Variants in GLI2 observed in about 807,000 individuals in gnomAD.
GLI2 encodes the protein GLI family zinc finger 2.
GLI2 carries 22 observed loss-of-function variants against 78.9 expected under a neutral mutation model. The observed-to-expected ratio is 0.28, with a 90% CI of 0.20 to 0.40. GLI2 has a LOEUF of 0.40. Ranked by LOEUF, GLI2 falls within the 10% of genes least tolerant of loss-of-function variation. The pLI, the probability that GLI2 is intolerant of heterozygous loss-of-function variation, is 1.00. For synonymous variants in GLI2, 974 were observed against 963.7 expected, an observed-to-expected ratio of 1.01 and a Z score of -0.20; for missense variants, 2,097 against 2,213.2, an observed-to-expected ratio of 0.95 and a Z score of 1.05.
intron 2 of GLI2, among the ~76,000 whole-genome samples, chr2:120,920,406 C>G (rs1679311675): frequency 6.6e-6 from 1 of 152,200 alleles, no homozygotes. Flanking sequence ...TCTGCAGACC[C>G]CTACCTCCTT....
At position 120,763,180 on chromosome 2, in the gene GLI2, C is replaced by G. The variant is rs184814678; in HGVS notation, c.-31+26895C>G. ...CCACCACAGGCCCTTTCTTGTGCCTCCCTCTCCTCTGGGTCTGACTCCTAT... is the reference window on the plus strand; with the variant it reads ...CCACCACAGGCCCTTTCTTGTGCCTGCCTCTCCTCTGGGTCTGACTCCTAT... On this transcript the variant is annotated intron_variant, in intron 1 of 13. Coordinates refer to ENST00000361492, the MANE Select transcript of GLI2 (RefSeq NM_001374353.1). 1.3e-4 allele frequency among the ~76,000 whole-genome samples: 20 copies of G among 152,294 alleles called. 1 individual carries two copies. In the South Asian group the frequency reaches 4.1e-3, roughly 32 times the overall value.
At position 120,982,510 on chromosome 2, in the gene GLI2, G is replaced by A. The variant is rs530491116; in HGVS notation, c.1468-206G>A. 4.5e-4 allele frequency among the ~76,000 whole-genome samples: 68 copies of A among 152,268 alleles called. 1 individual carries two copies. On this transcript the variant is annotated intron_variant, in intron 10 of 13. Coordinates refer to ENST00000361492, the MANE Select transcript of GLI2 (RefSeq NM_001374353.1). Reference sequence around the variant, plus strand: ...TGCGTGTCAGCAGTAGCAGCCCCTGGGCGACCGGTGGTTTTCATTTTTCTC... The same window carrying A: ...TGCGTGTCAGCAGTAGCAGCCCCTGAGCGACCGGTGGTTTTCATTTTTCTC...
chr2:120,898,215 C>CACACAA (rs1447294546), intron 2 of GLI2, among the ~76,000 whole-genome samples: 204 of 150,930 alleles, frequency 1.4e-3, no homozygotes, highest in African/African-American at 4.1e-3. Flanking sequence ...CACACACACA[C>CACACAA]AAAATGATTG....
At chr2:120,932,657 G>A (rs957325161) in intron 3 of GLI2, among the ~76,000 whole-genome samples, 2 of 152,182 alleles carry the variant, frequency 1.3e-5, no homozygotes, top group African/African-American at 4.8e-5. Context: ...ACATAACCCA[G>A]CCAACTGAGT....
chr2:120,754,909 A>G (rs1024582467), intron 1 of GLI2, among the ~76,000 whole-genome samples: 7 of 150,676 alleles, frequency 4.6e-5, no homozygotes, highest in Non-Finnish European at 5.9e-5. Flanking sequence ...CTGGAGTGCA[A>G]TGGCGCAATC....
chr2:120,834,086 T>C (rs1318802280), intron 2 of GLI2, among the ~76,000 whole-genome samples: 3 of 152,162 alleles, frequency 2.0e-5, no homozygotes, highest in African/African-American at 7.2e-5. Context: ...TTGCCCAGCA[T>C]CCTCTGCACA....
At chr2:120,803,064 A>C (rs1684774564) in intron 2 of GLI2, among the ~76,000 whole-genome samples, 1 of 152,368 alleles carries the variant, frequency 6.6e-6, no homozygotes, top group Middle Eastern at 3.4e-3. Flanking sequence ...CATACATAAA[A>C]TGGGAGTTAG....
intron 3 of GLI2, among the ~76,000 whole-genome samples, chr2:120,939,458 T>C (rs1680351843): frequency 6.6e-6 from 1 of 152,154 alleles, no homozygotes; most frequent in Non-Finnish European, 1.5e-5. Context: ...GGATTCAGAG[T>C]TTATCACCCC....
intron 1 of GLI2, among the ~76,000 whole-genome samples, chr2:120,763,818 G>C (rs973457075): frequency 1.3e-4 from 20 of 152,366 alleles, no homozygotes; most frequent in African/African-American, 4.8e-4. Context: ...TGTGGGTGGG[G>C]CTGTGAAAGG....
chr2:120,876,219 G>T (rs566251302), intron 2 of GLI2, among the ~76,000 whole-genome samples: 1 of 152,304 alleles, frequency 6.6e-6, no homozygotes, highest in South Asian at 2.1e-4. Context: ...GCGGGTGCCT[G>T]TAGTCCCAGC....
intron 2 of GLI2, among the ~76,000 whole-genome samples, chr2:120,828,056 G>T (rs1166384681): frequency 1.3e-5 from 2 of 152,206 alleles, no homozygotes; most frequent in African/African-American, 4.8e-5. Context: ...ATATTTTCCT[G>T]CAAGTTTAGA....
chr2:120,923,469 A>G (rs894435767), intron 2 of GLI2, among the ~76,000 whole-genome samples: 3 of 152,036 alleles, frequency 2.0e-5, no homozygotes, highest in Admixed American at 6.6e-5. Context: ...AACAACACAC[A>G]CATACAGCAT....
intron 1 of GLI2, among the ~76,000 whole-genome samples, chr2:120,746,262 G>A (rs1387909237): frequency 2.6e-5 from 4 of 152,246 alleles, no homozygotes; most frequent in Non-Finnish European, 5.9e-5. Context: ...CCCTGGTGGT[G>A]GAAGTCCTGT....
intron 1 of GLI2, among the ~76,000 whole-genome samples, chr2:120,782,122 G>A (rs1312104006): frequency 6.6e-6 from 1 of 152,094 alleles, no homozygotes; most frequent in Non-Finnish European, 1.5e-5. Flanking sequence ...CCGTTGTCTC[G>A]CTACGATAGC....
chr2:120,951,641 ACTCT>A (rs1680999771), intron 4 of GLI2, 196 bp downstream of exon 4: 1 of 557,612 alleles, frequency 1.8e-6, no homozygotes, highest in African/African-American at 1.9e-5. Context: ...TTTGGTAAGC[ACTCT>A]TTTGCATGCA....
intron 1 of GLI2, among the ~76,000 whole-genome samples, chr2:120,738,665 G>A (rs1682439301): frequency 6.6e-6 from 1 of 152,210 alleles, no homozygotes; most frequent in Non-Finnish European, 1.5e-5. Flanking sequence ...CTCTTGGAGA[G>A]AATTAGAATT....
At chr2:120,802,986 G>A (rs576760006) in intron 2 of GLI2, among the ~76,000 whole-genome samples, 3 of 152,238 alleles carry the variant, frequency 2.0e-5, no homozygotes, top group African/African-American at 2.4e-5. Context: ...AACCCTCTTG[G>A]TGATTCTGAT....
chr2:120,803,692 C>T lies in GLI2; in HGVS notation c.148+6224C>T, dbSNP rs149076996. ...CTCTGACTTGGTCTTTTCCCCAGCA[C>T]GCTGGAGACCAGACCAGACCAAAGG... On this transcript the variant is annotated intron_variant, in intron 2 of 13. Coordinates refer to ENST00000361492, the MANE Select transcript of GLI2 (RefSeq NM_001374353.1). 3.1e-3 allele frequency among the ~76,000 whole-genome samples: 475 copies of T among 152,260 alleles called. 8 individuals are homozygous for T. The highest frequency in any genetic ancestry group is 3.4e-3 in the Middle Eastern group (1 of 294).
chr2:120,861,722 C>T (rs1687913722), intron 2 of GLI2, among the ~76,000 whole-genome samples: 2 of 152,162 alleles, frequency 1.3e-5, no homozygotes, highest in South Asian at 4.1e-4. Flanking sequence ...TTAATACAGA[C>T]GAAAAAGGCA....
Sources: gnomAD v4.1 joint callset for allele counts (sites outside exome capture counted in the v4.1 genomes callset) on GRCh38, gnomAD v4.1.1 for gene constraint, MANE v1.5 for transcripts, NCBI Gene and HGNC (gene_info 2026-07-23, HGNC 2026-07-21) for gene names.